PRKG2: variants seen among roughly 807,000 people sequenced by gnomAD.
PRKG2 encodes the protein cGMP-dependent protein kinase 2.
PRKG2 carries 33 observed loss-of-function variants against 97.2 expected under a neutral mutation model. That is an observed-to-expected ratio of 0.34 (90% CI 0.26 to 0.45). The LOEUF is 0.45. Among genes scored for constraint, PRKG2 ranks in the 20% least tolerant of loss-of-function variants. The probability of loss-of-function intolerance (pLI) is 1.00; values close to 1 mark genes in which losing one functional copy is unlikely to be tolerated. For synonymous variants in PRKG2, 330 were observed against 321.8 expected (o/e 1.03, Z -0.27); for missense variants, 638 against 900.0 (o/e 0.71, Z 3.73).
At chr4:81,109,985 A>G (rs1191452609) in intron 15 of PRKG2, among the ~76,000 whole-genome samples, 2 of 152,224 alleles carry the variant, frequency 1.3e-5, no homozygotes, top group Non-Finnish European at 2.9e-5. Context: ...AAATCCAGAA[A>G]TGGTGCTTTG....
intron 15 of PRKG2, among the ~76,000 whole-genome samples, chr4:81,110,091 A>G (rs1215031008): frequency 6.6e-6 from 1 of 152,210 alleles, no homozygotes; most frequent in East Asian, 1.9e-4. Flanking sequence ...TGTTTTCTCC[A>G]TTACACAAAA....
chr4:81,171,923 G>T, intron 3 of PRKG2, 119 bp from the exon 4 acceptor site: 1 of 642,508 alleles, frequency 1.6e-6, no homozygotes, highest in South Asian at 2.9e-5. Flanking sequence ...GATATTTTAT[G>T]ATTCTCATTA....
chr4:81,203,752 G>A (rs963537782), intron 2 of PRKG2, among the ~76,000 whole-genome samples: 3 of 151,972 alleles, frequency 2.0e-5, no homozygotes, highest in Non-Finnish European at 4.4e-5. Flanking sequence ...CCCTATACAT[G>A]AATGCAGAGG....
rs146265355 is a variant in PRKG2 at position 81,180,160 on chromosome 4, A to G, written c.462-5201T>C. ...AAAAAATAAAATTAAATAAATAAAT[A>G]AATGAATGAATGAAAGCTAACAAGG... On this transcript the variant is annotated intron_variant, in intron 2 of 18. Coordinates refer to ENST00000264399, the MANE Select transcript of PRKG2 (RefSeq NM_006259.3). Among the ~76,000 whole-genome samples, 572 of 152,228 alleles carry G rather than the reference A, an allele frequency of 3.8e-3. 5 individuals carry two copies. The highest frequency in any genetic ancestry group is 0.013 in the African/African-American group (539 of 41,548).
intron 2 of PRKG2, among the ~76,000 whole-genome samples, chr4:81,178,480 C>T (rs569234367): frequency 1.4e-4 from 22 of 152,124 alleles, no homozygotes; most frequent in Non-Finnish European, 2.9e-4. Context: ...AAGCAATATG[C>T]TTTCAGGACA....
Position 81,105,322 on chromosome 4 carries a change from T to C in PRKG2, c.2063+491A>G, listed in dbSNP as rs111652361. Among the ~76,000 whole-genome samples, 25 of 152,292 alleles carry C rather than the reference T, an allele frequency of 1.6e-4. 1 individual carries two copies. The highest frequency in any genetic ancestry group is 5.3e-4 in the African/African-American group (22 of 41,566). On this transcript the variant is annotated intron_variant, in intron 16 of 18. Transcript: ENST00000264399. Reference sequence around the variant, plus strand: ...CCCTCTCCCTTCCGAGTCCCTGATATCTACATTTCCGTTTTCTATCTCCAT... The same window carrying C: ...CCCTCTCCCTTCCGAGTCCCTGATACCTACATTTCCGTTTTCTATCTCCAT...
chr4:81,125,268 G>A (rs1745442100), intron 14 of PRKG2, among the ~76,000 whole-genome samples: 1 of 152,144 alleles, frequency 6.6e-6, no homozygotes, highest in Admixed American at 6.5e-5. Flanking sequence ...TCAAGATAGA[G>A]GCATTCCCGT....
chr4:81,205,463 G>A (rs2110131202), intron 1 of PRKG2, among the ~76,000 whole-genome samples: 1 of 152,296 alleles, frequency 6.6e-6, no homozygotes, highest in Non-Finnish European at 1.5e-5. Flanking sequence ...CAGAGGCATG[G>A]AAATGTCACA....
In PRKG2 at chr4:81,138,051, T is replaced by C. The variant is rs540123574; in HGVS notation, c.1545-569A>G. On this transcript the variant is annotated intron_variant, in intron 12 of 18. Transcript: ENST00000264399. ...AGTAGAATTGGGCTATGTTTTAGTT[T>C]CGACAAAAGCCTCAGCTTCAAGAGG... is the stretch of plus-strand genomic sequence containing the variant. Among the ~76,000 whole-genome samples the C allele has an allele frequency of 2.6e-4, 39 of 152,296 alleles. No individual in the cohort carries two copies. The South Asian group carries it at 7.3e-3, about 28-fold the overall frequency.
chr4:81,088,247 C>A lies in PRKG2; in HGVS notation c.*1461G>T, dbSNP rs888452793. 1 of 152,066 alleles carries A rather than the reference C, an allele frequency of 6.6e-6. No individual in the cohort carries two copies. Among genetic ancestry groups the A allele is most frequent in the Non-Finnish European group, 1.5e-5 (1 of 68,000 alleles). 9.4% of individuals were successfully genotyped at this position (152,066 alleles called of 1,614,324 possible). A position where few individuals can be genotyped will look rare whatever the true frequency, so the allele number is the denominator to read the frequency against. On this transcript the variant is annotated 3_prime_UTR_variant, in exon 19 of 19. Transcript: ENST00000264399. Reference sequence around the variant, plus strand: ...TGGGCTTCACTTATCTAGCTTAACTCATTAAGGAAGCATATAGCTGGCTTT... The same window carrying A: ...TGGGCTTCACTTATCTAGCTTAACTAATTAAGGAAGCATATAGCTGGCTTT...
chr4:81,178,857 T>G (rs767107371), intron 2 of PRKG2, among the ~76,000 whole-genome samples: 1 of 152,104 alleles, frequency 6.6e-6, no homozygotes, highest in East Asian at 1.9e-4. Context: ...CAGAGTGCAG[T>G]GCCTCACGCC....
rs901059775 is a variant in PRKG2 at position 81,204,881 on chromosome 4, T to C, written c.167A>G (p.Glu56Gly). The change falls in exon 2 of 19, where the codon GAG becomes GGG. Residue 56 changes from glutamate to glycine, a missense_variant. This residue lies in a region of PRKG2 where 332 missense variants were observed against 421.7 expected (regional missense o/e 0.79). Transcript: ENST00000264399. ...EREYHLKELR[E>G]QLSKQTVAIA... is the part of the protein sequence containing the mutation. ...GGCCACAGTCTGCTTCGACAGCTGCTCCCGCAGCTCCTTCAAATGGTACTC... is the reference window on the plus strand; with the variant it reads ...GGCCACAGTCTGCTTCGACAGCTGCCCCCGCAGCTCCTTCAAATGGTACTC... 6.2e-7 allele frequency: 1 copy of C among 1,614,178 alleles called. No individual in the cohort carries two copies. The highest frequency in any genetic ancestry group is 8.5e-7 in the Non-Finnish European group (1 of 1,180,032).
rs534137824 is a variant in PRKG2, at chr4:81,166,839, G to T, written c.912+322C>A. On this transcript the variant is annotated intron_variant, in intron 6 of 18. Coordinates refer to ENST00000264399, the MANE Select transcript of PRKG2 (RefSeq NM_006259.3). Reference sequence around the variant, plus strand: ...TACTATGAAAACTCTGTAGGGGATTGTGATGTTAATTGTAGAAAATCAAAT... The same window carrying T: ...TACTATGAAAACTCTGTAGGGGATTTTGATGTTAATTGTAGAAAATCAAAT... Among the ~76,000 whole-genome samples, 7 of 152,234 alleles carry T rather than the reference G, an allele frequency of 4.6e-5. No homozygotes were observed. In the South Asian group the frequency reaches 1.0e-3, roughly 23 times the overall value.
intron 14 of PRKG2, among the ~76,000 whole-genome samples, chr4:81,121,658 T>G (rs944556068): frequency 6.6e-6 from 1 of 152,202 alleles, no homozygotes; most frequent in African/African-American, 2.4e-5. Context: ...TCCATATCCA[T>G]GAAATATATG....
chr4:81,130,456 A>G (rs1282456289), intron 14 of PRKG2, among the ~76,000 whole-genome samples: 1 of 152,108 alleles, frequency 6.6e-6, no homozygotes, highest in Non-Finnish European at 1.5e-5. Context: ...CCCCGGCAGG[A>G]GGAACAAGGG....
At position 81,088,954 on chromosome 4, in the gene PRKG2, T is replaced by C. The variant is rs1741300182; in HGVS notation, c.*754A>G. 6.6e-6 allele frequency: 1 copy of C among 152,216 alleles called. No individual in the cohort carries two copies. Among genetic ancestry groups the C allele is most frequent in the Admixed American group, 6.5e-5 (1 of 15,280 alleles). The allele number at this position is 152,216 out of a possible 1,614,324, so 9.4% of individuals were successfully genotyped here. ...ATTTTAGCATCATTTAACCACACAT[T>C]GTAACTATCTTTAACAAGGACTTTC... On this transcript the variant is annotated 3_prime_UTR_variant, in exon 19 of 19. Transcript: ENST00000264399.
intron 2 of PRKG2, among the ~76,000 whole-genome samples, chr4:81,185,291 G>A (rs571636446): frequency 9.9e-5 from 15 of 152,168 alleles, no homozygotes; most frequent in African/African-American, 3.1e-4. Flanking sequence ...TGTAGAAACC[G>A]TACAAGCCAG....
At chr4:81,113,310 C>T (rs144866275) in intron 14 of PRKG2, among the ~76,000 whole-genome samples, 2 of 151,830 alleles carry the variant, frequency 1.3e-5, no homozygotes, top group East Asian at 1.9e-4. Flanking sequence ...AAAATAGACA[C>T]CCTCCCCTTT....
At chr4:81,157,156 G>A (rs1449391062) in intron 6 of PRKG2, among the ~76,000 whole-genome samples, 2 of 151,678 alleles carry the variant, frequency 1.3e-5, no homozygotes. Flanking sequence ...TTTTTTGAAA[G>A]GATCAACAAA....
Sources: allele counts gnomAD v4.1 joint callset (sites outside exome capture counted in the v4.1 genomes callset), GRCh38; gene constraint gnomAD v4.1.1; regional missense constraint gnomAD v4.1.1; transcripts MANE v1.5; gene names NCBI Gene and HGNC (gene_info 2026-07-23, HGNC 2026-07-21).